Variants in ZNG1E observed in about 807,000 individuals in gnomAD.
The protein encoded by ZNG1E is zinc-regulated GTPase metalloprotein activator 1E.
chr9:65,685,255 T>G, the ZNG1E span, among the ~76,000 whole-genome samples: 1 of 152,262 alleles, frequency 6.6e-6, no homozygotes, highest in Non-Finnish European at 1.5e-5. Flanking sequence ...CCAATCAGGG[T>G]AGTAGTTACT....
the ZNG1E span, among the ~76,000 whole-genome samples, chr9:65,684,718 C>T: frequency 1.7e-4 from 26 of 152,232 alleles, no homozygotes; most frequent in African/African-American, 4.8e-4. Flanking sequence ...TCTACTGAAT[C>T]GGAATCTCTA....
chr9:65,687,775 C>T, the ZNG1E span, among the ~76,000 whole-genome samples: 74 of 144,758 alleles, frequency 5.1e-4, no homozygotes, highest in African/African-American at 1.7e-3. Flanking sequence ...TGATTTTTCT[C>T]CCTCCCTCCT....
At chr9:65,680,583 A>G in the ZNG1E span, among the ~76,000 whole-genome samples, 6 of 152,212 alleles carry the variant, frequency 3.9e-5, no homozygotes, top group African/African-American at 1.2e-4. Context: ...GCTGAAATAT[A>G]AAAAATATGT....
At chr9:65,681,232 G>T in the ZNG1E span, among the ~76,000 whole-genome samples, 1 of 152,110 alleles carries the variant, frequency 6.6e-6, no homozygotes, top group Non-Finnish European at 1.5e-5. Flanking sequence ...ACAGAATCCA[G>T]TATATAAAAC....
At chr9:65,668,074 A>G in the ZNG1E span, among the ~76,000 whole-genome samples, 1 of 146,144 alleles carries the variant, frequency 6.8e-6, no homozygotes, top group South Asian at 2.2e-4. Flanking sequence ...TGTCAAGTGA[A>G]GAAAGCAAGC....
At chr9:65,671,720 T>C in the ZNG1E span, among the ~76,000 whole-genome samples, 1 of 149,292 alleles carries the variant, frequency 6.7e-6, no homozygotes, top group African/African-American at 2.4e-5. Flanking sequence ...TCTTCTGTCT[T>C]CAGGAGAAGA....
chr9:65,660,969 G>A, the ZNG1E span, among the ~76,000 whole-genome samples: 1 of 145,504 alleles, frequency 6.9e-6, no homozygotes, highest in Non-Finnish European at 1.5e-5. Context: ...GGGAATAGGT[G>A]GGGCCTTGGC....
At chr9:65,687,306 T>C in the ZNG1E span, among the ~76,000 whole-genome samples, 6 of 142,592 alleles carry the variant, frequency 4.2e-5, no homozygotes, top group Non-Finnish European at 9.1e-5. Flanking sequence ...TTACCAGTAC[T>C]GTTGCTTCTC....
the ZNG1E span, among the ~76,000 whole-genome samples, chr9:65,689,791 T>A: frequency 6.7e-6 from 1 of 149,926 alleles, no homozygotes; most frequent in Non-Finnish European, 1.5e-5. Context: ...TACAGTAGAT[T>A]TAATTTTCCC....
At chr9:65,659,227 G>A in the ZNG1E span, among the ~76,000 whole-genome samples, 1 of 152,064 alleles carries the variant, frequency 6.6e-6, no homozygotes, top group East Asian at 1.9e-4. Context: ...GCCAGGCATG[G>A]TGGCTCACGC....
At chr9:65,720,935 T>C in the ZNG1E span, among the ~76,000 whole-genome samples, 1 of 139,086 alleles carries the variant, frequency 7.2e-6, no homozygotes, top group Non-Finnish European at 1.5e-5. Flanking sequence ...AATGAATAAA[T>C]GAGAGAAATA....
At chr9:65,658,432 T>A in the ZNG1E span, among the ~76,000 whole-genome samples, 1 of 150,942 alleles carries the variant, frequency 6.6e-6, no homozygotes, top group South Asian at 2.1e-4. Context: ...AAGAAAAAAA[T>A]TAAAGGACTA....
chr9:65,667,478 G>A, the ZNG1E span, among the ~76,000 whole-genome samples: 11 of 152,276 alleles, frequency 7.2e-5, no homozygotes, highest in Admixed American at 3.9e-4. Flanking sequence ...TTTAATAAGC[G>A]AAGCTAACCA....
At chr9:65,719,848 T>G in the ZNG1E span, 1 of 932,940 alleles carries the variant, frequency 1.1e-6, no homozygotes, top group East Asian at 2.6e-5. Context: ...GTGTGTTTTT[T>G]TTAAGAAATT....
chr9:65,669,459 T>C, the ZNG1E span, among the ~76,000 whole-genome samples: 31 of 151,322 alleles, frequency 2.0e-4, no homozygotes, highest in Admixed American at 4.6e-4. Flanking sequence ...ATTTAGACTC[T>C]CTCCTATACT....
At chr9:65,691,013 T>A in the ZNG1E span, 2 of 1,604,170 alleles carry the variant, frequency 1.2e-6, no homozygotes, top group Non-Finnish European at 1.7e-6. Flanking sequence ...TAGGGAGTGA[T>A]ATTTACCTTG....
chr9:65,658,221 G>A, the ZNG1E span, among the ~76,000 whole-genome samples: 2 of 152,036 alleles, frequency 1.3e-5, no homozygotes, highest in Non-Finnish European at 2.9e-5. Context: ...AGAGGCGTAA[G>A]AGGAGATATT....
the ZNG1E span, among the ~76,000 whole-genome samples, chr9:65,679,718 A>G: frequency 6.6e-6 from 1 of 152,248 alleles, no homozygotes; most frequent in Non-Finnish European, 1.5e-5. Context: ...CCATGCCCAG[A>G]TAATTTTTGT....
At chr9:65,716,853 G>GT in the ZNG1E span, among the ~76,000 whole-genome samples, 1 of 146,208 alleles carries the variant, frequency 6.8e-6, no homozygotes, top group East Asian at 2.0e-4. Flanking sequence ...GTAGCTTCTG[G>GT]TATTGGAGCA....
Sources: allele counts gnomAD v4.1 joint callset (sites outside exome capture counted in the v4.1 genomes callset), GRCh38; gene constraint gnomAD v4.1.1; transcripts MANE v1.5; gene names NCBI Gene and HGNC (gene_info 2026-07-23, HGNC 2026-07-21).